Variants in MINDY4B observed in about 807,000 individuals in gnomAD.
MINDY4B encodes the protein MINDY family member 4B.
MINDY4B carries 25 observed loss-of-function variants against 16.7 expected under a neutral mutation model. That is an observed-to-expected ratio of 1.49 (90% confidence interval 1.09 to 2.09). The LOEUF (loss-of-function observed/expected upper bound fraction) is 2.09, where lower values mean the gene tolerates loss of function less well. Among genes scored for constraint, MINDY4B ranks in the 30% most tolerant of loss-of-function variants. MINDY4B has a pLI of 0.00. For synonymous variants in MINDY4B, 132 were observed against 61.9 expected (o/e 2.13, Z -5.32); for missense variants, 327 against 168.4 (o/e 1.94, Z -5.21).
At chr3:150,903,113 T>G in intron 3 of MINDY4B, 136 bp downstream of exon 3, 1 of 396,350 alleles carries the variant, frequency 2.5e-6, no homozygotes, top group Admixed American at 4.4e-5. Flanking sequence ...TTAATTATAT[T>G]CTCCTTTTAC....
At position 150,891,346 on chromosome 3, in the gene MINDY4B, C is replaced by T. The variant is rs571586540; in HGVS notation, c.522-243G>A. Among the ~76,000 whole-genome samples, 4 of 152,330 alleles carry T rather than the reference C, an allele frequency of 2.6e-5. No homozygotes were observed. The South Asian group carries it at 8.3e-4, about 32-fold the overall frequency. ...TACACAGTGGGAGACCTTTACTCTG[C>T]TTATTTCCCAAACATTTAACATTGA... is the stretch of plus-strand genomic sequence containing the variant. On this transcript the variant is annotated intron_variant, in intron 5 of 11. Transcript: ENST00000465419.
rs192595666 is a variant in MINDY4B at position 150,897,255 on chromosome 3, C to T, written c.310-2950G>A. Among the ~76,000 whole-genome samples the T allele has an allele frequency of 4.6e-3, 696 of 151,736 alleles. 6 individuals carry two copies. The highest frequency in any genetic ancestry group is 0.016 in the African/African-American group (651 of 41,338). On this transcript the variant is annotated intron_variant, in intron 3 of 11. Coordinates refer to ENST00000465419, the MANE Select transcript of MINDY4B (RefSeq NM_001351281.2). Reference sequence around the variant, plus strand: ...GAGACTAGACAGAGAGAAAGATCTACAAACATGCACACATCAGTACCTGGG... The same window carrying T: ...GAGACTAGACAGAGAGAAAGATCTATAAACATGCACACATCAGTACCTGGG...
intron 10 of MINDY4B, among the ~76,000 whole-genome samples, chr3:150,874,923 G>T (rs910134446): frequency 6.6e-6 from 1 of 152,144 alleles, no homozygotes; most frequent in African/African-American, 2.4e-5. Context: ...AAATTATATT[G>T]CTATGCTGAA....
intron 2 of MINDY4B, 129 bp from the exon 3 acceptor site, chr3:150,903,545 A>C (rs1576616795): frequency 5.0e-6 from 2 of 396,292 alleles, no homozygotes; most frequent in Non-Finnish European, 8.9e-6. Context: ...AAGACGTCTG[A>C]AAATTGTGAT....
chr3:150,880,899 A>G (rs1235843499), intron 10 of MINDY4B, among the ~76,000 whole-genome samples: 1 of 152,272 alleles, frequency 6.6e-6, no homozygotes, highest in Non-Finnish European at 1.5e-5. Context: ...AAAAATATGT[A>G]AAATGAAATC....
chr3:150,896,869 C>A (rs951185828), intron 3 of MINDY4B, among the ~76,000 whole-genome samples: 1 of 152,198 alleles, frequency 6.6e-6, no homozygotes, highest in Non-Finnish European at 1.5e-5. Flanking sequence ...AAGAAGGACA[C>A]TTTACATAAC....
At chr3:150,899,011 C>T (rs538778406) in intron 3 of MINDY4B, among the ~76,000 whole-genome samples, 1 of 152,134 alleles carries the variant, frequency 6.6e-6, no homozygotes, top group Admixed American at 6.5e-5. Flanking sequence ...ATCAGAGATT[C>T]CAAGATGTTC....
chr3:150,896,879 C>T (rs1266842228), intron 3 of MINDY4B, among the ~76,000 whole-genome samples: 2 of 152,172 alleles, frequency 1.3e-5, no homozygotes, highest in Non-Finnish European at 2.9e-5. Context: ...CTTTACATAA[C>T]TTCCTTCAAT....
intron 5 of MINDY4B, 50 bp from the exon 6 acceptor site, chr3:150,891,153 A>T: frequency 1.5e-6 from 1 of 673,712 alleles, no homozygotes. Context: ...AACATCACCT[A>T]GCCACAGAGA....
chr3:150,896,455 A>G (rs1175797429), intron 3 of MINDY4B, among the ~76,000 whole-genome samples: 4 of 151,504 alleles, frequency 2.6e-5, no homozygotes, highest in African/African-American at 7.3e-5. Context: ...GCATTAAAAA[A>G]CCTTGTTTTG....
chr3:150,876,753 G>C (rs1260576067), intron 10 of MINDY4B, among the ~76,000 whole-genome samples: 1 of 152,140 alleles, frequency 6.6e-6, no homozygotes, highest in Non-Finnish European at 1.5e-5. Flanking sequence ...GAGTAATTCT[G>C]GCAAGACCTA....
intron 3 of MINDY4B, among the ~76,000 whole-genome samples, chr3:150,895,791 C>T (rs1167598290): frequency 1.3e-5 from 2 of 152,142 alleles, no homozygotes; most frequent in African/African-American, 4.8e-5. Flanking sequence ...AAGATTCTTT[C>T]CTTCATCTTA....
chr3:150,876,999 A>T (rs1711497558), intron 10 of MINDY4B, among the ~76,000 whole-genome samples: 1 of 152,168 alleles, frequency 6.6e-6, no homozygotes, highest in African/African-American at 2.4e-5. Flanking sequence ...AGGAACCATC[A>T]GTCTGGTGGG....
In MINDY4B at chr3:150,903,231, T is replaced by C. The variant is rs1386944058; in HGVS notation, c.309+18A>G. On this transcript the variant is annotated intron_variant, in intron 3 of 11. Coordinates refer to ENST00000465419, the MANE Select transcript of MINDY4B (RefSeq NM_001351281.2). ...AGATTACGTTTCATTTCATGTTTAA[T>C]TGACAAGCTATACTTACCGTGGCCA... 2.5e-6 allele frequency: 1 copy of C among 398,376 alleles called. No individual in the cohort carries two copies. Among genetic ancestry groups the C allele is most frequent in the Admixed American group, 4.4e-5 (1 of 22,712 alleles). The allele number at this position is 398,376 out of a possible 1,614,324, so 24.7% of individuals were successfully genotyped here.
At chr3:150,894,337 A>G (rs1711903122) in intron 3 of MINDY4B, 32 bp from the exon 4 acceptor site, 2 of 675,510 alleles carry the variant, frequency 3.0e-6, no homozygotes, top group East Asian at 5.4e-5. Flanking sequence ...GATTCAACAA[A>G]AGAGAATTCT....
At chr3:150,883,655 A>G (rs1245568418) in intron 9 of MINDY4B, 45 bp downstream of exon 9, 1 of 697,154 alleles carries the variant, frequency 1.4e-6, no homozygotes, top group Admixed American at 2.1e-5. Context: ...GTGGCATTCA[A>G]CTAATTCAGA....
intron 9 of MINDY4B, 64 bp downstream of exon 9, chr3:150,883,632 TCAAA>T: frequency 6.0e-6 from 4 of 667,230 alleles, no homozygotes; most frequent in Admixed American, 4.9e-5. Flanking sequence ...TTTTTCTTTT[TCAAA>T]CTCTGCATGT....
intron 3 of MINDY4B, among the ~76,000 whole-genome samples, chr3:150,898,072 C>T (rs1264533004): frequency 3.3e-5 from 5 of 152,218 alleles, no homozygotes; most frequent in Admixed American, 2.0e-4. Flanking sequence ...AATGGGGTAA[C>T]CCCTGCTTGG....
chr3:150,899,363 G>C (rs1712055873), intron 3 of MINDY4B, among the ~76,000 whole-genome samples: 1 of 152,182 alleles, frequency 6.6e-6, no homozygotes, highest in South Asian at 2.1e-4. Flanking sequence ...TTAAGACAGA[G>C]ACTATTTATA....
Sources: gnomAD v4.1 joint callset for allele counts (sites outside exome capture counted in the v4.1 genomes callset) on GRCh38, gnomAD v4.1.1 for gene constraint, MANE v1.5 for transcripts, NCBI Gene and HGNC (gene_info 2026-07-23, HGNC 2026-07-21) for gene names.